EHD3: variants seen among roughly 807,000 people sequenced by gnomAD.
EHD3 encodes the protein EH domain-containing protein 3.
A neutral mutation model predicts 43.0 loss-of-function variants in EHD3; 17 were observed. The ratio of observed to expected loss-of-function variants is 0.40; its 90% CI spans 0.27 to 0.59. EHD3 has a LOEUF of 0.59. Among genes scored for constraint, EHD3 ranks in the 20% least tolerant of loss-of-function variants. The pLI, the probability that EHD3 is intolerant of heterozygous loss-of-function variation, is 0.49. For synonymous variants in EHD3, 313 were observed against 289.5 expected, an observed-to-expected ratio of 1.08 and a Z score of -0.82; for missense variants, 594 against 705.6, an observed-to-expected ratio of 0.84 and a Z score of 1.79.
intron 1 of EHD3, among the ~76,000 whole-genome samples, chr2:31,242,859 C>A (rs1683448010): frequency 6.6e-6 from 1 of 152,124 alleles, no homozygotes; most frequent in African/African-American, 2.4e-5. Flanking sequence ...ACTCGGGAGG[C>A]TGAGGCAGAA....
chr2:31,241,918 G>A (rs1249644582), intron 1 of EHD3, among the ~76,000 whole-genome samples: 1 of 152,198 alleles, frequency 6.6e-6, no homozygotes, highest in Non-Finnish European at 1.5e-5. Context: ...TCTGACCAGG[G>A]GAAATCCTGC....
chr2:31,244,013 CCG>C (rs1302449683), intron 1 of EHD3, among the ~76,000 whole-genome samples: 18 of 152,120 alleles, frequency 1.2e-4, no homozygotes, highest in African/African-American at 4.3e-4. Flanking sequence ...CCTTCTACCC[CCG>C]CCCACCAGCC....
chr2:31,257,744 T>C (rs1002889996), intron 3 of EHD3, among the ~76,000 whole-genome samples: 2 of 152,154 alleles, frequency 1.3e-5, no homozygotes, highest in Admixed American at 6.5e-5. Flanking sequence ...TCCTAGAGTT[T>C]GCGTGAACAT....
intron 3 of EHD3, among the ~76,000 whole-genome samples, chr2:31,254,657 A>T (rs534556653): frequency 6.6e-6 from 1 of 152,224 alleles, no homozygotes; most frequent in African/African-American, 2.4e-5. Flanking sequence ...TTTTGTATGT[A>T]CCCACCGCAA....
At chr2:31,241,803 C>A (rs1052087523) in intron 1 of EHD3, among the ~76,000 whole-genome samples, 1 of 152,160 alleles carries the variant, frequency 6.6e-6, no homozygotes, top group African/African-American at 2.4e-5. Flanking sequence ...TCCCAGGAGG[C>A]CCTGAAGGAG....
intron 3 of EHD3, among the ~76,000 whole-genome samples, chr2:31,255,425 TCCTCATTCAGCTCTACCACAGACC>T (rs532990573): frequency 0.015 from 2,214 of 152,110 alleles, 57 homozygotes; most frequent in African/African-American, 0.049. Flanking sequence ...TACCACAGAG[TCCTCATTCAGCTCTACCACAGACC>T]CCTCATTCAG....
At chr2:31,251,781 G>GT (rs942187005) in intron 3 of EHD3, among the ~76,000 whole-genome samples, 1 of 152,136 alleles carries the variant, frequency 6.6e-6, no homozygotes, top group African/African-American at 2.4e-5. Flanking sequence ...CTGGCTCCCT[G>GT]TTAAGGGCCC....
At chr2:31,252,469 T>C (rs898114264) in intron 3 of EHD3, among the ~76,000 whole-genome samples, 3 of 152,212 alleles carry the variant, frequency 2.0e-5, no homozygotes, top group East Asian at 1.9e-4. Flanking sequence ...GTTGTTGTTG[T>C]TGTTGTTGCT....
rs115547641 is a variant in EHD3, at chr2:31,259,070, C to T, written c.503-1440C>T. Among the ~76,000 whole-genome samples the T allele has an allele frequency of 3.2e-3, 487 of 152,248 alleles. 4 individuals carry two copies. Among genetic ancestry groups the T allele is most frequent in the African/African-American group, 9.3e-3 (388 of 41,544 alleles). ...TTTCCTAATGATTTGGTTTCCCATT[C>T]GATGGTGGCAATGAGCTTTGGGTCC... On this transcript the variant is annotated intron_variant, in intron 3 of 5. Transcript: ENST00000322054.
chr2:31,248,094 AGTCCACACAAGGTGCTGCACCTTAGATTT>A (rs1683560572), intron 2 of EHD3, among the ~76,000 whole-genome samples: 3 of 152,192 alleles, frequency 2.0e-5, no homozygotes, highest in Non-Finnish European at 2.9e-5. Context: ...GCTTCACTGC[AGTCCACACAAGGTGCTGCACCTTAGATTT>A]GTCCGCACAA....
rs1247692858 is a variant in EHD3, at chr2:31,269,443, C to T, written c.*2739C>T. ...CTGATACCAATAAAGTGAATGTATT[C>T]CAAAGCTAGCTTGGAGGAGGGGCAC... On this transcript the variant is annotated 3_prime_UTR_variant, in exon 6 of 6. Coordinates refer to ENST00000322054, the MANE Select transcript of EHD3 (RefSeq NM_014600.3). 3 of 152,140 alleles carry T rather than the reference C, an allele frequency of 2.0e-5. No individual in the cohort carries two copies. The highest frequency in any genetic ancestry group is 4.8e-5 in the African/African-American group (2 of 41,428). The allele number at this position is 152,140 out of a possible 1,614,324, so 9.4% of individuals were successfully genotyped here. A position where few individuals can be genotyped will look rare whatever the true frequency, so the allele number is the denominator to read the frequency against.
At chr2:31,239,539 GGGAAA>G (rs1340478831) in intron 1 of EHD3, among the ~76,000 whole-genome samples, 1 of 152,178 alleles carries the variant, frequency 6.6e-6, no homozygotes, top group East Asian at 1.9e-4. Flanking sequence ...AAGACCTTTG[GGGAAA>G]GGTCTCCCTC....
Position 31,266,166 on chromosome 2 carries a change from C to T in EHD3, c.1081-11C>T, listed in dbSNP as rs374250797. 8.7e-6 allele frequency: 14 copies of T among 1,602,312 alleles called. No homozygotes were observed. The highest frequency in any genetic ancestry group is 8.0e-5 in the African/African-American group (6 of 74,862). On this transcript the variant is annotated splice_polypyrimidine_tract_variant and intron_variant, in intron 5 of 5. Coordinates refer to ENST00000322054, the MANE Select transcript of EHD3 (RefSeq NM_014600.3). This position sits in a 1 kb window ranked among gnomAD's most constrained non-coding sequence, Gnocchi z 5.1. ...GTATCCTATCTTCATCCTCTCTCCT[C>T]CTCTTCCCAGGACCAGCTGCAGGCC... is the stretch of plus-strand genomic sequence containing the variant.
At chr2:31,257,705 C>T (rs1683778626) in intron 3 of EHD3, among the ~76,000 whole-genome samples, 1 of 152,164 alleles carries the variant, frequency 6.6e-6, no homozygotes, top group Non-Finnish European at 1.5e-5. Context: ...GGTCGTGTCT[C>T]ATGGGTGGTA....
At chr2:31,264,553 T>TG (rs1683908252) in intron 5 of EHD3, among the ~76,000 whole-genome samples, 1 of 149,096 alleles carries the variant, frequency 6.7e-6, no homozygotes, top group Non-Finnish European at 1.5e-5. Context: ...TTTTTTTTTT[T>TG]GATACAGAGT....
chr2:31,253,919 A>C (rs546416443), intron 3 of EHD3, among the ~76,000 whole-genome samples: 90 of 152,240 alleles, frequency 5.9e-4, no homozygotes, highest in African/African-American at 2.1e-3. Context: ...ATGCAGCAGG[A>C]GTGGGAGGGC....
Position 31,266,521 on chromosome 2 carries a change from G to A in EHD3, c.1425G>A (p.Lys475=), listed in dbSNP as rs2148725532. The A allele has an allele frequency of 2.5e-6, 4 of 1,614,184 alleles. No individual in the cohort carries two copies. The highest frequency in any genetic ancestry group is 1.6e-4 in the Middle Eastern group (1 of 6,062). ...CCAAGAAGGAGATGGTGCGCTCCAA[G>A]CTGCCCAACAGTGTGCTGGGCAAGA... ...ANAKKEMVRS[K]LPNSVLGKIW... is the part of the protein sequence containing the mutation. The change falls in exon 6 of 6, where the codon AAG becomes AAA. Residue 475 remains lysine, a synonymous_variant. Coordinates refer to ENST00000322054, the MANE Select transcript of EHD3 (RefSeq NM_014600.3). The surrounding 1 kb of genome is among the most constrained non-coding windows in gnomAD (Gnocchi z 5.1).
intron 3 of EHD3, among the ~76,000 whole-genome samples, chr2:31,258,198 G>C (rs77456563): frequency 0.028 from 4,293 of 152,162 alleles, 207 homozygotes; most frequent in African/African-American, 0.098. Flanking sequence ...ACTGGCATCC[G>C]GGTAACCAAA....
At chr2:31,239,933 C>T (rs941265192) in intron 1 of EHD3, among the ~76,000 whole-genome samples, 1 of 150,976 alleles carries the variant, frequency 6.6e-6, no homozygotes, top group Non-Finnish European at 1.5e-5. Context: ...AGAAGGGGCA[C>T]GTCGCTGAGC....
Sources: gnomAD v4.1 joint callset for allele counts (sites outside exome capture counted in the v4.1 genomes callset) on GRCh38, gnomAD v4.1.1 for gene constraint, Gnocchi (gnomAD v3.1) non-coding constraint, MANE v1.5 for transcripts, NCBI Gene and HGNC (gene_info 2026-07-23, HGNC 2026-07-21) for gene names.